DCUN1D4: variants seen among roughly 807,000 people sequenced by gnomAD.
DCUN1D4 encodes the protein DCN1-like protein 4.
Under a neutral mutation model 47.9 loss-of-function variants are expected in DCUN1D4, and 22 were observed. The ratio of observed to expected loss-of-function variants is 0.46; its 90% CI spans 0.33 to 0.66. The LOEUF (loss-of-function observed/expected upper bound fraction) is 0.66, where lower values mean the gene tolerates loss of function less well. Among genes scored for constraint, DCUN1D4 ranks in the 30% least tolerant of loss-of-function variants. The probability of loss-of-function intolerance (pLI) is 0.02; values close to 1 mark genes in which losing one functional copy is unlikely to be tolerated. For synonymous variants in DCUN1D4, 121 were observed against 112.2 expected (o/e 1.08, Z -0.50); for missense variants, 301 against 340.8 (o/e 0.88, Z 0.92).
At chr4:51,843,428 C>T (rs1479939868) in intron 1 of DCUN1D4, 161 bp downstream of exon 1, 11 of 1,234,690 alleles carry the variant, frequency 8.9e-6, no homozygotes, top group Non-Finnish European at 1.1e-5. Flanking sequence ...CGGGCGGTGA[C>T]GCTGCGGGCG....
chr4:51,867,656 C>G (rs1417034690), intron 3 of DCUN1D4, among the ~76,000 whole-genome samples: 2 of 152,148 alleles, frequency 1.3e-5, no homozygotes, highest in Admixed American at 1.3e-4. Context: ...CTGGCAGAGT[C>G]TGAGGTTTTT....
At chr4:51,894,306 C>T (rs894623465) in intron 7 of DCUN1D4, among the ~76,000 whole-genome samples, 1 of 152,134 alleles carries the variant, frequency 6.6e-6, no homozygotes, top group Non-Finnish European at 1.5e-5. Context: ...GATAATTATT[C>T]AGAATAACTT....
At chr4:51,863,755 T>C (rs1725461059) in intron 3 of DCUN1D4, 46 bp downstream of exon 3, 6 of 1,561,404 alleles carry the variant, frequency 3.8e-6, no homozygotes, top group East Asian at 2.2e-5. Context: ...AGCTTCTTAA[T>C]ATTAGGAAAG....
chr4:51,896,750 C>G (rs964684577), intron 7 of DCUN1D4, among the ~76,000 whole-genome samples: 3 of 152,126 alleles, frequency 2.0e-5, no homozygotes, highest in African/African-American at 7.2e-5. Context: ...AACTGGCTCT[C>G]AATATCTCTT....
In DCUN1D4 at chr4:51,904,189, A is replaced by G. The variant is rs541490317; in HGVS notation, c.615+4811A>G. ...CTTGATCCTTTGGAAGGGCTGTCCA[A>G]AGCAGTCTTGATAGGGATGATTTGG... On this transcript the variant is annotated intron_variant, in intron 8 of 10. Transcript: ENST00000334635. Among the ~76,000 whole-genome samples the G allele has an allele frequency of 2.0e-3, 306 of 152,260 alleles. 1 individual carries two copies. Among genetic ancestry groups the G allele is most frequent in the African/African-American group, 7.0e-3 (292 of 41,554 alleles).
chr4:51,852,531 A>C (rs1723524393), intron 1 of DCUN1D4, among the ~76,000 whole-genome samples: 1 of 152,216 alleles, frequency 6.6e-6, no homozygotes, highest in South Asian at 2.1e-4. Flanking sequence ...GGATAGTTGT[A>C]CATTTAAGTC....
chr4:51,839,818 C>G (rs983597253), upstream of DCUN1D4, among the ~76,000 whole-genome samples: 1 of 152,184 alleles, frequency 6.6e-6, no homozygotes, highest in African/African-American at 2.4e-5. Context: ...CTCCTACTCC[C>G]AATCCCAACA....
At chr4:51,875,693 G>T (rs556033342) in intron 4 of DCUN1D4, among the ~76,000 whole-genome samples, 1 of 152,040 alleles carries the variant, frequency 6.6e-6, no homozygotes, top group Admixed American at 6.5e-5. Context: ...ACTTTGTCTC[G>T]ACAGATTTCC....
At chr4:51,906,358 C>T (rs1732894213) in intron 8 of DCUN1D4, among the ~76,000 whole-genome samples, 1 of 152,200 alleles carries the variant, frequency 6.6e-6, no homozygotes, top group South Asian at 2.1e-4. Flanking sequence ...TCATAGAATT[C>T]ACTAAGGAAA....
At chr4:51,865,838 A>G (rs1235946992) in intron 3 of DCUN1D4, among the ~76,000 whole-genome samples, 1 of 152,194 alleles carries the variant, frequency 6.6e-6, no homozygotes, top group African/African-American at 2.4e-5. Context: ...AAGAATGCAC[A>G]GGACTTTCAG....
Position 51,865,944 on chromosome 4 carries a change from C to G in DCUN1D4, c.136+2235C>G, listed in dbSNP as rs75325441. On this transcript the variant is annotated intron_variant, in intron 3 of 10. Transcript: ENST00000334635. ...CACTATGACAGTGGAAGTGTTCATACTCTTTCAGCTTGCTCCACTGCAGGC... is the reference window on the plus strand; with the variant it reads ...CACTATGACAGTGGAAGTGTTCATAGTCTTTCAGCTTGCTCCACTGCAGGC... Among the ~76,000 whole-genome samples, 819 of 152,278 alleles carry G rather than the reference C, an allele frequency of 5.4e-3. 3 individuals carry two copies. Among genetic ancestry groups the G allele is most frequent in the African/African-American group, 0.019 (787 of 41,562 alleles).
the DCUN1D4 span, among the ~76,000 whole-genome samples, chr4:51,834,403 A>AG: frequency 6.6e-6 from 1 of 151,720 alleles, no homozygotes; most frequent in South Asian, 2.1e-4. Flanking sequence ...AGAGTGCTTC[A>AG]GGGAGGCAGG....
At chr4:51,905,069 C>T (rs1026805909) in intron 8 of DCUN1D4, 54 of 364,070 alleles carry the variant, frequency 1.5e-4, no homozygotes, top group Non-Finnish European at 2.1e-4. Context: ...AATTGCAGCC[C>T]CAAGGGGCTG....
chr4:51,857,039 C>T (rs1224258036), intron 1 of DCUN1D4, among the ~76,000 whole-genome samples: 1 of 152,128 alleles, frequency 6.6e-6, no homozygotes, highest in Non-Finnish European at 1.5e-5. Context: ...AAATACTCGA[C>T]TCATACCGTA....
At chr4:51,844,667 C>G (rs899210245) in intron 1 of DCUN1D4, among the ~76,000 whole-genome samples, 2 of 151,454 alleles carry the variant, frequency 1.3e-5, no homozygotes, top group Non-Finnish European at 3.0e-5. Context: ...CGCCCCACGC[C>G]CGGGGGGCGC....
At chr4:51,906,909 A>G (rs1578050537) in intron 8 of DCUN1D4, among the ~76,000 whole-genome samples, 1 of 152,142 alleles carries the variant, frequency 6.6e-6, no homozygotes, top group African/African-American at 2.4e-5. Context: ...TCTACCATTT[A>G]TTGATTTTAA....
upstream of DCUN1D4, among the ~76,000 whole-genome samples, chr4:51,842,372 G>A (rs1037137162): frequency 6.6e-6 from 1 of 152,144 alleles, no homozygotes; most frequent in African/African-American, 2.4e-5. Context: ...CGTGGCATTC[G>A]AAGCCTCTTT....
chr4:51,877,901 G>A lies in DCUN1D4; in HGVS notation c.343+47G>A, dbSNP rs374944072. ...CTAAGACTGATCCTTATGACAATAA[G>A]GAGTACCTTAGAGATGATTAAAGAA... On this transcript the variant is annotated intron_variant, in intron 5 of 10. Coordinates refer to ENST00000334635, the MANE Select transcript of DCUN1D4 (RefSeq NM_001040402.3). The A allele has an allele frequency of 6.9e-5, 91 of 1,317,766 alleles. No individual in the cohort carries two copies. The African/African-American group carries it at 1.3e-3, about 18-fold the overall frequency. The allele number at this position is 1,317,766 out of a possible 1,614,324, so 81.6% of individuals were successfully genotyped here.
chr4:51,863,462 A>G lies in DCUN1D4; in HGVS notation c.51A>G (p.Ser17=). The change falls in exon 2 of 11, where the codon TCA becomes TCG. Residue 17 remains serine, a synonymous_variant. Coordinates refer to ENST00000334635, the MANE Select transcript of DCUN1D4 (RefSeq NM_001040402.3). ...AVNFQLNSHL[S]TLANIHKIYH... ...ATTTTCAGCTGAACTCTCATCTCTC[A>G]ACACTGGCAAATATTCATAAGATCT... 6.2e-7 allele frequency: 1 copy of G among 1,612,926 alleles called. No individual in the cohort carries two copies. Among genetic ancestry groups the G allele is most frequent in the African/African-American group, 1.3e-5 (1 of 75,004 alleles).
Sources: gnomAD v4.1 joint callset for allele counts (sites outside exome capture counted in the v4.1 genomes callset) on GRCh38, gnomAD v4.1.1 for gene constraint, MANE v1.5 for transcripts, NCBI Gene and HGNC (gene_info 2026-07-23, HGNC 2026-07-21) for gene names.